CAPS2: variants seen among roughly 807,000 people sequenced by gnomAD.
The protein encoded by CAPS2 is calcyphosin-2.
In CAPS2, 98 loss-of-function variants were observed where a neutral mutation model predicts 86.5. That is an observed-to-expected ratio of 1.13 (90% CI 0.96 to 1.34). The LOEUF (loss-of-function observed/expected upper bound fraction) is 1.34, where lower values mean the gene tolerates loss of function less well. Ranked by LOEUF, CAPS2 falls within the 40% of genes most tolerant of loss-of-function variation. CAPS2 has a pLI of 0.00. For missense variants in CAPS2, 729 were observed against 686.8 expected (o/e 1.06, Z -0.69); for synonymous variants, 210 against 225.1 (o/e 0.93, Z 0.60).
At chr12:75,331,773 C>A (rs924570791), upstream of CAPS2, among the ~76,000 whole-genome samples, 24 of 151,892 alleles carry the variant, frequency 1.6e-4, no homozygotes, top group African/African-American at 5.6e-4. Flanking sequence ...CCGTTTTAGC[C>A]GGGATGGTCT....
intron 5 of CAPS2, among the ~76,000 whole-genome samples, chr12:75,318,939 T>C (rs1458534701): frequency 1.3e-5 from 2 of 152,204 alleles, no homozygotes; most frequent in African/African-American, 2.4e-5. Context: ...GAATAAATTA[T>C]ATTGATCATT....
intron 1 of CAPS2, among the ~76,000 whole-genome samples, chr12:75,388,065 C>G (rs979844298): frequency 1.4e-4 from 21 of 152,154 alleles, no homozygotes; most frequent in African/African-American, 5.1e-4. Flanking sequence ...TAATAATCCC[C>G]ACGTGTCATG....
At chr12:75,313,959 G>A (rs1422459880) in intron 6 of CAPS2, among the ~76,000 whole-genome samples, 1 of 151,918 alleles carries the variant, frequency 6.6e-6, no homozygotes, top group Non-Finnish European at 1.5e-5. Context: ...TTGCTATGTT[G>A]CCCAGGCTGG....
chr12:75,329,184 C>T (rs1021472004), upstream of CAPS2, among the ~76,000 whole-genome samples: 7 of 152,196 alleles, frequency 4.6e-5, no homozygotes, highest in African/African-American at 1.4e-4. Flanking sequence ...GGGGAATGAG[C>T]TGTAGGGACT....
Position 75,300,555 on chromosome 12 carries a change from C to CAAA in CAPS2, c.780-647_780-645dup, listed in dbSNP as rs60853698. 6.0e-4 allele frequency among the ~76,000 whole-genome samples: 50 copies of CAAA among 83,010 alleles called. 2 individuals carry two copies. The highest frequency in any genetic ancestry group is 9.5e-4 in the African/African-American group (20 of 21,088). 54.5% of individuals were successfully genotyped at this position (83,010 alleles called of 152,430 possible). A position where few individuals can be genotyped will look rare whatever the true frequency, so the allele number is the denominator to read the frequency against. ...TGGGCGACAGAGCCAGACTCCGTCT[C>CAAA]AAAAAAAAAAAAAAAAAAAAAAAAA... On this transcript the variant is annotated intron_variant, in intron 8 of 16. Transcript: ENST00000393284.
exon 8 of CAPS2, chr12:75,304,822 A>G (rs1168335219): frequency 6.2e-7 from 1 of 1,611,840 alleles, no homozygotes; most frequent in Non-Finnish European, 8.5e-7. Flanking sequence ...GAAGGATATG[A>G]TCACTTTCTT....
chr12:75,371,400 T>C (rs990618599), intron 1 of CAPS2: 12 of 264,878 alleles, frequency 4.5e-5, no homozygotes, highest in African/African-American at 2.5e-4. Flanking sequence ...CCCACCCACA[T>C]TGAGGTGGGT....
At chr12:75,325,161 T>C in intron 2 of CAPS2, 78 bp downstream of exon 3, 1 of 1,310,272 alleles carries the variant, frequency 7.6e-7, no homozygotes, top group South Asian at 1.5e-5. Context: ...TTTATAATTT[T>C]GCTTTGTTTT....
At chr12:75,326,044 T>C (rs1244431656) in intron 1 of CAPS2, among the ~76,000 whole-genome samples, 3 of 152,054 alleles carry the variant, frequency 2.0e-5, no homozygotes, top group South Asian at 2.1e-4. Flanking sequence ...TTAATGAAAA[T>C]AGAAAATAAT....
At chr12:75,297,743 G>T (rs2037142514) in intron 11 of CAPS2, among the ~76,000 whole-genome samples, 1 of 152,124 alleles carries the variant, frequency 6.6e-6, no homozygotes. Context: ...CCTCCAACCA[G>T]ACTGAACTAC....
rs572442134 is a variant in CAPS2, at chr12:75,294,831, G to T, written c.1045-1464C>A. On this transcript the variant is annotated intron_variant, in intron 11 of 16. Coordinates refer to ENST00000393284, the Ensembl canonical transcript of CAPS2. ...ATTGCCTACATCCCTGTAACAAAAGGCAAGTTTACAAGAGAATAGCAAAAC... is the reference window on the plus strand; with the variant it reads ...ATTGCCTACATCCCTGTAACAAAAGTCAAGTTTACAAGAGAATAGCAAAAC... 3.9e-5 allele frequency among the ~76,000 whole-genome samples: 6 copies of T among 152,186 alleles called. No homozygotes were observed. In the South Asian group the frequency reaches 1.2e-3, roughly 32 times the overall value.
At chr12:75,367,447 C>T (rs545848764) in intron 1 of CAPS2, among the ~76,000 whole-genome samples, 77 of 152,030 alleles carry the variant, frequency 5.1e-4, no homozygotes, top group African/African-American at 1.6e-3. Context: ...AATTGAAATA[C>T]GAATACACAC....
chr12:75,363,815 G>A (rs949960897), intron 1 of CAPS2, among the ~76,000 whole-genome samples: 3 of 152,104 alleles, frequency 2.0e-5, no homozygotes, highest in Non-Finnish European at 4.4e-5. Context: ...AAGGTGGTCA[G>A]CCTACAACTT....
At chr12:75,310,885 G>T (rs2039081906) in intron 7 of CAPS2, among the ~76,000 whole-genome samples, 4 of 152,054 alleles carry the variant, frequency 2.6e-5, no homozygotes, top group Admixed American at 2.6e-4. Context: ...AAGGGCAAAT[G>T]GAAACACATG....
At chr12:75,325,814 G>T (rs2040723621) in intron 1 of CAPS2, among the ~76,000 whole-genome samples, 1 of 152,002 alleles carries the variant, frequency 6.6e-6, no homozygotes, top group Non-Finnish European at 1.5e-5. Flanking sequence ...GTGAGGGGGG[G>T]TAGGGCCAAG....
chr12:75,361,447 T>C (rs1249855160), intron 1 of CAPS2, among the ~76,000 whole-genome samples: 1 of 152,216 alleles, frequency 6.6e-6, no homozygotes, highest in African/African-American at 2.4e-5. Context: ...AACCCAACCC[T>C]ATCTGCCTAG....
At chr12:75,360,260 A>G (rs1007698025) in intron 1 of CAPS2, 2 of 152,214 alleles carry the variant, frequency 1.3e-5, no homozygotes, top group Non-Finnish European at 2.9e-5. Context: ...TACATTTCCC[A>G]ACCAATCATG....
upstream of CAPS2, chr12:75,329,818 A>G: frequency 6.5e-7 from 1 of 1,541,784 alleles, no homozygotes. Context: ...AAATTATATT[A>G]TAATTCAGAG....
intron 1 of CAPS2, among the ~76,000 whole-genome samples, chr12:75,338,384 G>T (rs1292674758): frequency 6.6e-6 from 1 of 152,082 alleles, no homozygotes; most frequent in Non-Finnish European, 1.5e-5. Flanking sequence ...GACTTGGATT[G>T]GGGGAATTTA....
Sources: gnomAD v4.1 joint callset for allele counts (sites outside exome capture counted in the v4.1 genomes callset) on GRCh38, gnomAD v4.1.1 for gene constraint, MANE v1.5 for transcripts, NCBI Gene and HGNC (gene_info 2026-07-23, HGNC 2026-07-21) for gene names.